PHKA1: variants seen among roughly 807,000 people sequenced by gnomAD.
PHKA1 encodes the protein phosphorylase b kinase regulatory subunit alpha, skeletal muscle isoform.
PHKA1 carries 60 observed loss-of-function variants against 110.2 expected under a neutral mutation model. The observed-to-expected ratio is 0.54, with a 90% CI of 0.44 to 0.68. The LOEUF (loss-of-function observed/expected upper bound fraction) is 0.68. PHKA1 is among the 30% of genes least tolerant of loss of function. The pLI is 0.00. For synonymous variants in PHKA1, 316 were observed against 333.6 expected, an observed-to-expected ratio of 0.95 and a Z score of 0.58; for missense variants, 801 against 942.5, an observed-to-expected ratio of 0.85 and a Z score of 1.97.
At chrX:72,649,974 A>G (rs1460217124) in intron 13 of PHKA1, among the ~76,000 whole-genome samples, 2 of 105,858 alleles carry the variant, frequency 1.9e-5, no homozygotes, top group African/African-American at 6.9e-5. Context: ...CCTGGGTGAC[A>G]GAAAGAGACT....
At chrX:72,657,140 C>T (rs868940976) in intron 9 of PHKA1, among the ~76,000 whole-genome samples, 54 of 111,829 alleles carry the variant, frequency 4.8e-4, no homozygotes, top group African/African-American at 1.6e-3. Flanking sequence ...ATAAAGGGAA[C>T]GTAAACTTTT....
At chrX:72,652,682 G>A in intron 11 of PHKA1, 31 bp from the exon 12 acceptor site, 1 of 848,234 alleles carries the variant, frequency 1.2e-6, no homozygotes, top group Non-Finnish European at 1.8e-6. Context: ...GCCAGATGAG[G>A]AATAATAGAA....
At chrX:72,703,350 A>C (rs1377238166) in intron 3 of PHKA1, among the ~76,000 whole-genome samples, 2 of 112,085 alleles carry the variant, frequency 1.8e-5, no homozygotes, top group African/African-American at 6.5e-5. Flanking sequence ...TGGTTCCTGA[A>C]ATTAGTGACC....
rs781885040 is a variant in PHKA1 at position 72,652,606 on chromosome X, T to G, written c.1183A>C (p.Met395Leu). ...QNPHTVDRVP[M>L]GKLPHMWGQS... ...CCCCACATGTGAGGCAATTTCCCCATGGGGACTCGGTCCACAGTGTGAGGA... is the reference window on the plus strand; with the variant it reads ...CCCCACATGTGAGGCAATTTCCCCAGGGGGACTCGGTCCACAGTGTGAGGA... The change falls in exon 12 of 32, where the codon ATG becomes CTG. Residue 395 changes from methionine to leucine, a missense_variant. Physicochemically the swap from Met to Leu is conservative, Grantham distance 15. Coordinates refer to ENST00000373542, the MANE Select transcript of PHKA1 (RefSeq NM_002637.4). 1 of 1,193,851 alleles carries G rather than the reference T, an allele frequency of 8.4e-7. No homozygotes were observed. The highest frequency in any genetic ancestry group is 3.0e-5 in the East Asian group (1 of 33,701).
chrX:72,647,796 G>T (rs1307138914), intron 13 of PHKA1, among the ~76,000 whole-genome samples: 1 of 111,360 alleles, frequency 9.0e-6, no homozygotes, highest in African/African-American at 3.3e-5. Context: ...ATAAGCAAGA[G>T]CAGTGGGCTA....
At chrX:72,629,157 T>C (rs1169615103) in intron 16 of PHKA1, among the ~76,000 whole-genome samples, 4 of 111,679 alleles carry the variant, frequency 3.6e-5, no homozygotes, top group African/African-American at 1.3e-4. Context: ...TAAAAATTTA[T>C]GTTTTTATTA....
At chrX:72,644,228 G>T in intron 14 of PHKA1, 134 bp downstream of exon 14, 1 of 711,732 alleles carries the variant, frequency 1.4e-6, no homozygotes, top group Non-Finnish European at 2.1e-6. Context: ...AAGAAAATTG[G>T]ATTCTAGAGA....
chrX:72,603,137 A>C lies in PHKA1; in HGVS notation c.2899T>G (p.Phe967Val). The change falls in exon 26 of 32, where the codon TTT becomes GTT. Residue 967 changes from phenylalanine to valine, a missense_variant. Phe to Val is a conservative substitution (Grantham distance 50). Around this residue, in one of 2 missense-constraint regions of PHKA1, gnomAD observed 502 missense variants for 519.2 expected, o/e 0.97. Coordinates refer to ENST00000373542, the MANE Select transcript of PHKA1 (RefSeq NM_002637.4). ...ATCTCACCGCTTCGTTCCACTCCAA[A>C]CTCCTTGCCGCTGAGAATGTGATGC... is the stretch of plus-strand genomic sequence containing the variant. ...LLHHILSGKE[F>V]GVERSVRPTD... The C allele has an allele frequency of 8.3e-7, 1 of 1,199,842 alleles. No individual in the cohort carries two copies. Among genetic ancestry groups the C allele is most frequent in the Non-Finnish European group, 1.1e-6 (1 of 885,446 alleles).
intron 17 of PHKA1, among the ~76,000 whole-genome samples, chrX:72,626,378 T>C (rs182786387): frequency 2.7e-4 from 30 of 110,853 alleles, no homozygotes; most frequent in Non-Finnish European, 4.9e-4. Flanking sequence ...AATCAAATAA[T>C]CCAGTAGGCA....
At chrX:72,673,718 C>T (rs1415936013) in intron 6 of PHKA1, among the ~76,000 whole-genome samples, 2 of 107,541 alleles carry the variant, frequency 1.9e-5, no homozygotes, top group Non-Finnish European at 3.8e-5. Flanking sequence ...ATCTATGGTA[C>T]ATAATGACGT....
At position 72,635,186 on chromosome X, in the gene PHKA1, G is replaced by A; in HGVS notation, c.1683C>T (p.Thr561=). 8.3e-7 allele frequency: 1 copy of A among 1,211,933 alleles called. No homozygotes were observed. Among genetic ancestry groups the A allele is most frequent in the Non-Finnish European group, 1.1e-6 (1 of 895,485 alleles). ...CSRWRMTGQP[T]ITFPISHSML... Reference sequence around the variant, plus strand: ...TGCTGTGTGAGATGGGGAAGGTGATGGTGGGCTGGCCTGTCATCCGCCAGC... The same window carrying A: ...TGCTGTGTGAGATGGGGAAGGTGATAGTGGGCTGGCCTGTCATCCGCCAGC... Residue 561 remains threonine, a synonymous_variant, in exon 16 of 32, where the codon ACC becomes ACT. Coordinates refer to ENST00000373542, the MANE Select transcript of PHKA1 (RefSeq NM_002637.4).
At chrX:72,671,223 G>A (rs192170498) in intron 6 of PHKA1, among the ~76,000 whole-genome samples, 1,433 of 111,793 alleles carry the variant, frequency 0.013, 17 homozygotes, top group African/African-American at 0.034. Context: ...AAGCTGATAA[G>A]CAACTTCAGC....
chrX:72,688,070 G>A (rs1435822050), intron 4 of PHKA1, among the ~76,000 whole-genome samples: 1 of 110,526 alleles, frequency 9.0e-6, no homozygotes, highest in African/African-American at 3.3e-5. Flanking sequence ...CTTGTGATCC[G>A]CCCGCCTAAG....
rs1275147512 is a variant in PHKA1, at chrX:72,636,346, T to C, written c.1500A>G (p.Arg500=). The change falls in exon 15 of 32, where the codon AGA becomes AGG. Residue 500 remains arginine, a synonymous_variant. Transcript: ENST00000373542. The stretch of plus-strand genomic sequence containing the variant: ...TTGAAGTTCCAAGCACTCCCATGTG[T>C]CTGTAGGGTCGTCCACTGAGTTTCA... ...NRMKLSGRPY[R]HMGVLGTSKL... The C allele has an allele frequency of 3.3e-6, 4 of 1,200,127 alleles. No individual in the cohort carries two copies. Among genetic ancestry groups the C allele is most frequent in the African/African-American group, 3.5e-5 (2 of 57,081 alleles).
intron 8 of PHKA1, chrX:72,660,614 A>C (rs1354341556): frequency 2.7e-6 from 1 of 365,267 alleles, no homozygotes; most frequent in Non-Finnish European, 5.2e-6. Flanking sequence ...ACTCTTTTAT[A>C]CAAAAGAAGT....
chrX:72,682,152 T>G (rs1603270794), intron 5 of PHKA1, among the ~76,000 whole-genome samples: 1 of 70,345 alleles, frequency 1.4e-5, no homozygotes, highest in African/African-American at 5.4e-5. Context: ...CCGCCCCTAC[T>G]GGGAAGTGAG....
intron 28 of PHKA1, among the ~76,000 whole-genome samples, chrX:72,595,151 AATGTAATAC>A (rs1357956237): frequency 8.9e-6 from 1 of 112,397 alleles, no homozygotes; most frequent in Non-Finnish European, 1.9e-5. Flanking sequence ...AACATCAATT[AATGTAATAC>A]ACTACATCAA....
At chrX:72,618,380 C>T (rs1556272023) in intron 21 of PHKA1, among the ~76,000 whole-genome samples, 1 of 111,934 alleles carries the variant, frequency 8.9e-6, no homozygotes, top group Non-Finnish European at 1.9e-5. Context: ...GAGTTAAAAA[C>T]TTATCTGTAC....
At position 72,619,230 on chromosome X, in the gene PHKA1, G is replaced by C. The variant is rs1556273778; in HGVS notation, c.2213C>G (p.Pro738Arg). 8.5e-7 allele frequency: 1 copy of C among 1,181,472 alleles called. No homozygotes were observed. The highest frequency in any genetic ancestry group is 1.2e-6 in the Non-Finnish European group (1 of 868,135). ...PSFNLLDSPH[P>R]RQENQVPSVR... Reference sequence around the variant, plus strand: ...CAAATTTACCTGGTTCTCCTGTCGGGGATGAGGTGAATCAAGTAAGTTGAA... The same window carrying C: ...CAAATTTACCTGGTTCTCCTGTCGGCGATGAGGTGAATCAAGTAAGTTGAA... The change falls in exon 20 of 32, where the codon CCC (proline) becomes CGC (arginine). Residue 738 changes from proline (P) to arginine (R), a missense_variant. Transcript: ENST00000373542.
Sources: gnomAD v4.1 joint callset for allele counts (sites outside exome capture counted in the v4.1 genomes callset) on GRCh38, gnomAD v4.1.1 for gene constraint, gnomAD v4.1.1 regional missense constraint, MANE v1.5 for transcripts, NCBI Gene and HGNC (gene_info 2026-07-23, HGNC 2026-07-21) for gene names.